CDH9: variants seen among roughly 807,000 people sequenced by gnomAD.
CDH9 encodes cadherin-9.
Under a neutral mutation model 70.9 loss-of-function variants are expected in CDH9, and 28 were observed. That is an observed-to-expected ratio of 0.40 (90% CI 0.29 to 0.54). The LOEUF (loss-of-function observed/expected upper bound fraction) is 0.54. Ranked by LOEUF, CDH9 falls within the 20% of genes least tolerant of loss-of-function variation. CDH9 has a pLI of 0.59. For synonymous variants in CDH9, 409 were observed against 343.1 expected (o/e 1.19, Z -2.12); for missense variants, 874 against 984.4 (o/e 0.89, Z 1.50).
In CDH9 at chr5:26,903,698, G is replaced by C; in HGVS notation, c.938C>G (p.Ala313Gly). The stretch of plus-strand genomic sequence containing the variant: ...GTCAGTGATGACATCGAACATGTCT[G>C]CACCATCTCCTTCAGCAATGCTATA... The part of the protein sequence containing the change: ...MEYSIAEGDG[A>G]DMFDVITDKD... The change falls in exon 6 of 12, where the codon GCA (alanine) becomes GGA (glycine). Residue 313 changes from alanine to glycine, a missense_variant. Coordinates refer to ENST00000231021, the MANE Select transcript of CDH9 (RefSeq NM_016279.4). The C allele has an allele frequency of 6.2e-7, 1 of 1,609,122 alleles. No homozygotes were observed. Among genetic ancestry groups the C allele is most frequent in the African/African-American group, 1.3e-5 (1 of 74,864 alleles).
chr5:26,932,013 T>C (rs1366233680), intron 2 of CDH9, among the ~76,000 whole-genome samples: 3 of 152,318 alleles, frequency 2.0e-5, no homozygotes, highest in South Asian at 4.1e-4. Flanking sequence ...AGGCACAACA[T>C]AGTCAAATTG....
chr5:26,903,419 G>C, intron 6 of CDH9: 1 of 648,236 alleles, frequency 1.5e-6, no homozygotes, highest in Non-Finnish European at 2.8e-6. Context: ...TAATTTGACT[G>C]TTTTCTAGTT....
rs772067435 is a variant in CDH9 at position 26,915,751 on chromosome 5, T to A, written c.402A>T (p.Lys134Asn). Reference sequence around the variant, plus strand: ...ATTCCGGTTCCACCTGCCGCCCAGTTTTTCTGTCTATAGCCTTGGCACGAA... The same window carrying A: ...ATTCCGGTTCCACCTGCCGCCCAGTATTTCTGTCTATAGCCTTGGCACGAA... Reference protein sequence around the residue: ...YILRAKAIDRKTGRQVEPESE... With the variant: ...YILRAKAIDRNTGRQVEPESE... The change falls in exon 3 of 12, where the codon AAA (lysine) becomes AAT (asparagine). Residue 134 changes from lysine (K) to asparagine (N), a missense_variant. Coordinates refer to ENST00000231021, the MANE Select transcript of CDH9 (RefSeq NM_016279.4). 8 of 1,613,706 alleles carry A rather than the reference T, an allele frequency of 5.0e-6. No homozygotes were observed. In the Middle Eastern group the frequency reaches 8.2e-4, roughly 166 times the overall value.
chr5:26,903,404 A>T (rs1382518124), intron 6 of CDH9: 1 of 625,548 alleles, frequency 1.6e-6, no homozygotes, highest in Non-Finnish European at 2.9e-6. Flanking sequence ...AAGTTTATCT[A>T]ATTTTAATTT....
At chr5:26,890,047 T>C in intron 8 of CDH9, 90 bp from the exon 9 acceptor site, 2 of 1,202,366 alleles carry the variant, frequency 1.7e-6, no homozygotes, top group South Asian at 1.3e-5. Context: ...ACAGATCCTT[T>C]TTGTGGTGTT....
At position 26,902,562 on chromosome 5, in the gene CDH9, C is replaced by T; in HGVS notation, c.1167G>A (p.Leu389=). Residue 389 remains leucine, a synonymous_variant, in exon 7 of 12, where the codon TTG becomes TTA. Coordinates refer to ENST00000231021, the MANE Select transcript of CDH9 (RefSeq NM_016279.4). Reference sequence around the variant, plus strand: ...CCTTTACATCTTCATCTACTTCTATCAAGTAAGAGACTTTAGTGAACACAG... The same window carrying T: ...CCTTTACATCTTCATCTACTTCTATTAAGTAAGAGACTTTAGTGAACACAG... ...EPPVFTKVSY[L]IEVDEDVKEG... 5 of 1,592,784 alleles carry T rather than the reference C, an allele frequency of 3.1e-6. No individual in the cohort carries two copies. The Admixed American group carries it at 5.0e-5, about 16-fold the overall frequency.
At chr5:26,973,521 T>G (rs145777141) in intron 2 of CDH9, among the ~76,000 whole-genome samples, 49 of 152,280 alleles carry the variant, frequency 3.2e-4, no homozygotes, top group African/African-American at 1.1e-3. Context: ...TACTTGAAAT[T>G]CAAGACCGAA....
intron 2 of CDH9, among the ~76,000 whole-genome samples, chr5:26,947,750 T>TA (rs1412549360): frequency 6.6e-6 from 1 of 152,026 alleles, no homozygotes; most frequent in African/African-American, 2.4e-5. Context: ...GCACACCACA[T>TA]AGGCACATCT....
At chr5:27,013,816 G>A (rs996802595) in intron 1 of CDH9, among the ~76,000 whole-genome samples, 1 of 151,954 alleles carries the variant, frequency 6.6e-6, no homozygotes, top group African/African-American at 2.4e-5. Flanking sequence ...ATGTAACAGT[G>A]TCTAAATTCA....
At position 26,979,081 on chromosome 5, in the gene CDH9, A is replaced by T. The variant is rs550276409; in HGVS notation, c.228+9025T>A. ...TAAGAATAAAAAGCACTGACTAGAC[A>T]TATTTATATAAATTAATAGAAAAGA... On this transcript the variant is annotated intron_variant, in intron 2 of 11. Transcript: ENST00000231021. Among the ~76,000 whole-genome samples, 11 of 151,876 alleles carry T rather than the reference A, an allele frequency of 7.2e-5. No homozygotes were observed. In the East Asian group the frequency reaches 2.1e-3, roughly 29 times the overall value.
intron 2 of CDH9, among the ~76,000 whole-genome samples, chr5:26,951,016 G>A (rs1377798413): frequency 6.6e-6 from 1 of 152,038 alleles, no homozygotes; most frequent in African/African-American, 2.4e-5. Context: ...ATAATAAAAG[G>A]CGTGTGCTGG....
chr5:26,890,376 T>G, intron 8 of CDH9, 52 bp downstream of exon 8: 1 of 1,527,682 alleles, frequency 6.5e-7, no homozygotes. Context: ...TGCTATTATT[T>G]TACCACTTTG....
At chr5:26,935,278 T>A (rs1052034335) in intron 2 of CDH9, among the ~76,000 whole-genome samples, 2 of 152,146 alleles carry the variant, frequency 1.3e-5, no homozygotes, top group African/African-American at 4.8e-5. Flanking sequence ...GTACAGCCAA[T>A]ATACTTAATG....
intron 2 of CDH9, among the ~76,000 whole-genome samples, chr5:26,987,091 C>CTTTTTTTTTTTT (rs201154706): frequency 7.4e-5 from 8 of 108,284 alleles, no homozygotes; most frequent in African/African-American, 1.4e-4. Context: ...CACTTGTATT[C>CTTTTTTTTTTTT]TTTTTTTTTT....
chr5:26,898,229 G>A (rs775510516), intron 7 of CDH9, among the ~76,000 whole-genome samples: 2 of 152,094 alleles, frequency 1.3e-5, no homozygotes, highest in African/African-American at 4.8e-5. Context: ...AATCAGTATC[G>A]TGAAAATGGC....
At chr5:26,906,672 C>G in intron 4 of CDH9, 47 bp downstream of exon 4, 1 of 1,590,986 alleles carries the variant, frequency 6.3e-7, no homozygotes, top group Non-Finnish European at 8.6e-7. Context: ...AATTATGCAT[C>G]TTAATGTATT....
chr5:26,904,247 T>G (rs1740908019), intron 5 of CDH9, among the ~76,000 whole-genome samples: 2 of 151,976 alleles, frequency 1.3e-5, no homozygotes, highest in East Asian at 3.9e-4. Context: ...AAATCAGGAA[T>G]AAAAAATAAT....
intron 3 of CDH9, among the ~76,000 whole-genome samples, chr5:26,907,094 A>G (rs976635091): frequency 2.0e-5 from 3 of 152,150 alleles, no homozygotes; most frequent in African/African-American, 7.2e-5. Context: ...AATAAGACTA[A>G]TTAATGCATC....
chr5:26,889,542 A>G (rs529530650), intron 9 of CDH9, among the ~76,000 whole-genome samples: 1 of 152,268 alleles, frequency 6.6e-6, no homozygotes, highest in South Asian at 2.1e-4. Context: ...CAGCATAAGC[A>G]TAATTATGAA....
Sources: allele counts gnomAD v4.1 joint callset (sites outside exome capture counted in the v4.1 genomes callset), GRCh38; gene constraint gnomAD v4.1.1; transcripts MANE v1.5; gene names NCBI Gene and HGNC (gene_info 2026-07-23, HGNC 2026-07-21).